TENM4: variants seen among roughly 807,000 people sequenced by gnomAD.
The protein encoded by TENM4 is teneurin transmembrane protein 4, also known as teneurin-4.
A neutral mutation model predicts 243.3 loss-of-function variants in TENM4; 82 were observed. The ratio of observed to expected loss-of-function variants is 0.34; its 90% CI spans 0.28 to 0.40. The LOEUF (loss-of-function observed/expected upper bound fraction) is 0.40, where lower values mean the gene tolerates loss of function less well. Ranked by LOEUF, TENM4 falls within the 10% of genes least tolerant of loss-of-function variation. The pLI, the probability that TENM4 is intolerant of heterozygous loss-of-function variation, is 1.00. For synonymous variants in TENM4, 1,412 were observed against 1,456.3 expected (o/e 0.97, Z 0.69); for missense variants, 3,138 against 3,673.3 (o/e 0.85, Z 3.77).
intron 3 of TENM4, among the ~76,000 whole-genome samples, chr11:79,179,898 T>G (rs1056233886): frequency 3.3e-5 from 5 of 151,634 alleles, no homozygotes; most frequent in Non-Finnish European, 7.4e-5. Flanking sequence ...TGGTATTATA[T>G]CCCTGTTCCA....
At chr11:79,286,280 G>A (rs1056626640) in intron 2 of TENM4, among the ~76,000 whole-genome samples, 4 of 152,078 alleles carry the variant, frequency 2.6e-5, no homozygotes, top group African/African-American at 9.7e-5. Context: ...GGAGTCTAAG[G>A]CCATCATCCC....
intron 18 of TENM4, among the ~76,000 whole-genome samples, chr11:78,766,644 T>C (rs1225073800): frequency 1.3e-5 from 2 of 151,732 alleles, no homozygotes; most frequent in East Asian, 1.9e-4. Context: ...CAACCATACA[T>C]GAAAATAAAA....
chr11:78,871,042 C>T (rs1055936869), intron 9 of TENM4, among the ~76,000 whole-genome samples: 2 of 152,122 alleles, frequency 1.3e-5, no homozygotes, highest in Admixed American at 6.5e-5. Context: ...CACCTCAGCC[C>T]AGTTATCTGA....
In TENM4 at chr11:79,335,027, C is replaced by T. The variant is rs557013663; in HGVS notation, c.-320-37484G>A. Among the ~76,000 whole-genome samples, 17 of 152,318 alleles carry T rather than the reference C, an allele frequency of 1.1e-4. No individual in the cohort carries two copies. In the South Asian group the frequency reaches 1.7e-3, roughly 15 times the overall value. On this transcript the variant is annotated intron_variant, in intron 1 of 33. Coordinates refer to ENST00000278550, the MANE Select transcript of TENM4 (RefSeq NM_001098816.3). ...CAAAGCCTAGCTCAGCTTACAACTCCTCTGAAAAATATTCCTGAAAACTCC... is the reference window on the plus strand; with the variant it reads ...CAAAGCCTAGCTCAGCTTACAACTCTTCTGAAAAATATTCCTGAAAACTCC...
intron 19 of TENM4, among the ~76,000 whole-genome samples, chr11:78,753,608 G>C (rs1306475433): frequency 6.6e-6 from 1 of 152,192 alleles, no homozygotes; most frequent in African/African-American, 2.4e-5. Context: ...ACAGGAATCT[G>C]TTTGGGGGTC....
At chr11:78,887,854 T>A (rs1591101630) in intron 9 of TENM4, among the ~76,000 whole-genome samples, 1 of 152,238 alleles carries the variant, frequency 6.6e-6, no homozygotes, top group East Asian at 1.9e-4. Flanking sequence ...CTATATGATA[T>A]AAACCTTAAG....
At chr11:79,107,170 C>T (rs995864472) in intron 4 of TENM4, among the ~76,000 whole-genome samples, 9 of 152,144 alleles carry the variant, frequency 5.9e-5, no homozygotes, top group African/African-American at 1.2e-4. Context: ...GATCTGAATC[C>T]AGGCAGCATG....
intron 1 of TENM4, among the ~76,000 whole-genome samples, chr11:79,394,708 A>G (rs2135546513): frequency 6.6e-6 from 1 of 152,340 alleles, no homozygotes; most frequent in East Asian, 1.9e-4. Context: ...ATCAAGATGT[A>G]AGTTAAGGTG....
chr11:79,389,544 A>G (rs1721351788), intron 1 of TENM4, among the ~76,000 whole-genome samples: 1 of 152,350 alleles, frequency 6.6e-6, no homozygotes, highest in Middle Eastern at 3.4e-3. Flanking sequence ...CATGCAGCCA[A>G]TGTTGAGAAG....
At position 78,669,083 on chromosome 11, in the gene TENM4, T is replaced by A. The variant is rs372540311; in HGVS notation, c.7262A>T (p.Tyr2421Phe). Residue 2421 changes from tyrosine (Y) to phenylalanine (F), a missense_variant, in exon 32 of 34, where the codon TAT (tyrosine) becomes TTT (phenylalanine). This residue lies in a region of TENM4 where 2,467 missense variants were observed against 3,059.1 expected (regional missense o/e 0.81). Coordinates refer to ENST00000278550, the MANE Select transcript of TENM4 (RefSeq NM_001098816.3). The surrounding 1 kb of genome is among the most constrained non-coding windows in gnomAD (Gnocchi z 6.4). ...TKLVHMGRRDYDVLAGRWTSP... is the reference protein window; with the variant it reads ...TKLVHMGRRDFDVLAGRWTSP... ...AGTCCAGCGTCCGGCCAGCACATCA[T>A]AATCTCGCCGGCCCATGTGGACAAG... is the stretch of plus-strand genomic sequence containing the variant. 65 of 1,613,834 alleles carry A rather than the reference T, an allele frequency of 4.0e-5. No homozygotes were observed. Among genetic ancestry groups the A allele is most frequent in the Non-Finnish European group, 5.3e-5 (62 of 1,179,868 alleles).
intron 4 of TENM4, among the ~76,000 whole-genome samples, chr11:79,127,504 C>T (rs868472576): frequency 2.2e-4 from 9 of 41,328 alleles, no homozygotes; most frequent in Non-Finnish European, 3.8e-4. Flanking sequence ...ATTGACTTGG[C>T]AAATACTTTT....
intron 6 of TENM4, among the ~76,000 whole-genome samples, chr11:79,052,415 T>A (rs1204607429): frequency 6.6e-6 from 1 of 152,242 alleles, no homozygotes; most frequent in Non-Finnish European, 1.5e-5. Context: ...GCCGCATGTA[T>A]ATCTTCTTTT....
intron 3 of TENM4, among the ~76,000 whole-genome samples, chr11:79,175,546 T>C (rs537594810): frequency 6.6e-6 from 1 of 152,094 alleles, no homozygotes; most frequent in Non-Finnish European, 1.5e-5. Context: ...TTTAATGACA[T>C]GGAAAGGTAG....
At chr11:79,425,828 A>T (rs972008323) in intron 1 of TENM4, among the ~76,000 whole-genome samples, 2 of 152,178 alleles carry the variant, frequency 1.3e-5, no homozygotes, top group Non-Finnish European at 2.9e-5. Context: ...TTCCATGATT[A>T]TTGAGGGGAA....
chr11:79,002,619 C>T (rs1858361205), intron 6 of TENM4, among the ~76,000 whole-genome samples: 1 of 152,150 alleles, frequency 6.6e-6, no homozygotes, highest in African/African-American at 2.4e-5. Flanking sequence ...CCCCCAAGCG[C>T]ATCAAACAAG....
At chr11:79,431,323 C>T (rs1006611587) in intron 1 of TENM4, among the ~76,000 whole-genome samples, 4 of 152,140 alleles carry the variant, frequency 2.6e-5, no homozygotes, top group Non-Finnish European at 4.4e-5. Flanking sequence ...AATAATATTC[C>T]GCTGCTAGGC....
intron 7 of TENM4, among the ~76,000 whole-genome samples, chr11:78,901,630 G>A (rs751484336): frequency 6.6e-6 from 1 of 152,136 alleles, no homozygotes; most frequent in African/African-American, 2.4e-5. Context: ...GGTCCATGCA[G>A]AGCATCAGAA....
Position 79,148,771 on chromosome 11 carries a change from C to G in TENM4, c.-127G>C, listed in dbSNP as rs1014560125. 5.1e-6 allele frequency: 5 copies of G among 982,804 alleles called. No homozygotes were observed. The highest frequency in any genetic ancestry group is 4.8e-6 in the Non-Finnish European group (4 of 827,502). The allele number at this position is 982,804 out of a possible 1,614,324, so 60.9% of individuals were successfully genotyped here. The stretch of plus-strand genomic sequence containing the variant: ...TCCTTCAAATAATCCTTGAAGTATG[C>G]AATTTTAATTTGGACACATGGTAAT... On this transcript the variant is annotated 5_prime_UTR_variant, in exon 4 of 34. Coordinates refer to ENST00000278550, the MANE Select transcript of TENM4 (RefSeq NM_001098816.3).
chr11:79,263,444 T>C (rs576891931), intron 2 of TENM4, among the ~76,000 whole-genome samples: 1 of 152,246 alleles, frequency 6.6e-6, no homozygotes, highest in East Asian at 1.9e-4. Context: ...TTCAAATGAG[T>C]TTCTTTATTT....
Sources: allele counts gnomAD v4.1 joint callset (sites outside exome capture counted in the v4.1 genomes callset), GRCh38; gene constraint gnomAD v4.1.1; regional missense constraint gnomAD v4.1.1; non-coding constraint Gnocchi (gnomAD v3.1); transcripts MANE v1.5; gene names NCBI Gene and HGNC (gene_info 2026-07-23, HGNC 2026-07-21).